Variants in MAGI2 observed in about 807,000 individuals in gnomAD.
MAGI2 encodes the protein membrane associated guanylate kinase, WW and PDZ domain containing 2.
A neutral mutation model predicts 133.3 loss-of-function variants in MAGI2; 35 were observed. The ratio of observed to expected loss-of-function variants is 0.26; its 90% confidence interval spans 0.20 to 0.35. The LOEUF is 0.35. Ranked by LOEUF, MAGI2 falls within the 10% of genes least tolerant of loss-of-function variation. The pLI is 1.00. For synonymous variants in MAGI2, 729 were observed against 710.6 expected, an observed-to-expected ratio of 1.03 and a Z score of -0.41; for missense variants, 1,636 against 1,863.4, an observed-to-expected ratio of 0.88 and a Z score of 2.25.
chr7:78,250,470 C>T (rs1301623281), intron 10 of MAGI2, among the ~76,000 whole-genome samples: 1 of 151,934 alleles, frequency 6.6e-6, no homozygotes, highest in Non-Finnish European at 1.5e-5. Context: ...TAAGCTTCCA[C>T]CTCAAGAAGA....
chr7:79,417,993 C>T (rs1846658898), intron 1 of MAGI2, among the ~76,000 whole-genome samples: 1 of 151,982 alleles, frequency 6.6e-6, no homozygotes, highest in East Asian at 1.9e-4. Context: ...ATTTACCTCA[C>T]ATATTTTTTT....
intron 2 of MAGI2, among the ~76,000 whole-genome samples, chr7:78,756,545 G>A (rs925565103): frequency 9.9e-5 from 15 of 152,208 alleles, no homozygotes; most frequent in African/African-American, 3.1e-4. Flanking sequence ...AGCAATACAC[G>A]CATTTGGCAG....
intron 16 of MAGI2, among the ~76,000 whole-genome samples, chr7:78,146,663 T>C (rs1823336810): frequency 6.6e-6 from 1 of 152,204 alleles, no homozygotes; most frequent in South Asian, 2.1e-4. Context: ...TCTGTGTCTC[T>C]TGACTACCTT....
At chr7:79,376,768 T>C (rs73157871) in intron 1 of MAGI2, among the ~76,000 whole-genome samples, 195 of 151,938 alleles carry the variant, frequency 1.3e-3, no homozygotes, top group Non-Finnish European at 2.5e-3. Context: ...TGTAGTTGAC[T>C]GTGGATAACT....
chr7:79,072,999 C>A (rs578028203), intron 1 of MAGI2, among the ~76,000 whole-genome samples: 49 of 152,104 alleles, frequency 3.2e-4, no homozygotes, highest in African/African-American at 1.1e-3. Context: ...ACACAGATTT[C>A]TTTTCTGTAG....
chr7:78,052,109 G>T (rs777773446), intron 21 of MAGI2, among the ~76,000 whole-genome samples: 2 of 152,128 alleles, frequency 1.3e-5, no homozygotes, highest in East Asian at 3.9e-4. Flanking sequence ...GAGCTTCAGC[G>T]ATCCACTCAC....
chr7:78,711,516 GTTC>G (rs1348944877), intron 2 of MAGI2, among the ~76,000 whole-genome samples: 1 of 151,942 alleles, frequency 6.6e-6, no homozygotes, highest in Non-Finnish European at 1.5e-5. Flanking sequence ...TTTCCATTTT[GTTC>G]TTTTTTCCCC....
chr7:78,548,722 A>G (rs1424555595), intron 3 of MAGI2, among the ~76,000 whole-genome samples: 2 of 152,056 alleles, frequency 1.3e-5, no homozygotes, highest in Non-Finnish European at 2.9e-5. Context: ...AAAACAAACA[A>G]AAGATTGCTT....
chr7:78,935,692 T>C (rs569466143), intron 2 of MAGI2, among the ~76,000 whole-genome samples: 14 of 152,188 alleles, frequency 9.2e-5, no homozygotes, highest in Non-Finnish European at 1.8e-4. Context: ...GGGATCGTTA[T>C]CTCTTTCTGC....
chr7:78,863,346 G>C (rs563655973), intron 2 of MAGI2, among the ~76,000 whole-genome samples: 1 of 152,126 alleles, frequency 6.6e-6, no homozygotes, highest in Non-Finnish European at 1.5e-5. Context: ...TGTGCATCTG[G>C]TGAAAGCCTC....
intron 2 of MAGI2, among the ~76,000 whole-genome samples, chr7:78,909,742 C>T (rs1165440932): frequency 6.6e-6 from 1 of 151,972 alleles, no homozygotes; most frequent in Non-Finnish European, 1.5e-5. Context: ...TCTCAAGGAC[C>T]TAGAACCAGA....
chr7:78,558,314 C>T (rs1159041629), intron 3 of MAGI2, among the ~76,000 whole-genome samples: 2 of 152,034 alleles, frequency 1.3e-5, no homozygotes, highest in Non-Finnish European at 2.9e-5. Flanking sequence ...TGTGTGAGAT[C>T]TCAGCTGATT....
chr7:78,475,039 G>C (rs1791602549), intron 6 of MAGI2, among the ~76,000 whole-genome samples: 2 of 151,822 alleles, frequency 1.3e-5, no homozygotes. Flanking sequence ...CTTATCAGGA[G>C]TTCCCTCAGT....
intron 1 of MAGI2, among the ~76,000 whole-genome samples, chr7:79,094,309 AT>A (rs1197742329): frequency 2.6e-5 from 4 of 152,166 alleles, no homozygotes; most frequent in Admixed American, 6.5e-5. Flanking sequence ...AAGTTTTATC[AT>A]GAGATTGCAG....
intron 2 of MAGI2, among the ~76,000 whole-genome samples, chr7:78,820,424 C>T (rs112574268): frequency 1.3e-5 from 2 of 151,556 alleles, no homozygotes; most frequent in Non-Finnish European, 3.0e-5. Context: ...CCTGAAGGAA[C>T]GGAGAGACAT....
chr7:79,084,437 C>T (rs1001118836), intron 1 of MAGI2, among the ~76,000 whole-genome samples: 2 of 151,588 alleles, frequency 1.3e-5, no homozygotes, highest in Admixed American at 6.6e-5. Flanking sequence ...TGTTTAATTG[C>T]CATTGCATAG....
intron 2 of MAGI2, among the ~76,000 whole-genome samples, chr7:78,690,839 C>T (rs1211529923): frequency 6.6e-6 from 1 of 152,142 alleles, no homozygotes; most frequent in Non-Finnish European, 1.5e-5. Flanking sequence ...ATGGAGTACT[C>T]AGCAGATGAG....
At chr7:78,494,679 T>C (rs774166058) in intron 5 of MAGI2, among the ~76,000 whole-genome samples, 24 of 152,224 alleles carry the variant, frequency 1.6e-4, no homozygotes, top group Admixed American at 1.2e-3. Flanking sequence ...AGCAAAATGT[T>C]TTCACTGCTG....
rs1376283829 is a variant in MAGI2 at position 78,459,455 on chromosome 7, C to T, written c.1045+30306G>A. ...TTTAAATTAATTATAAATGCAGAGG[C>T]TGAATATTTAAAACCTCTTAAGAGC... On this transcript the variant is annotated intron_variant, in intron 6 of 21. Transcript: ENST00000354212. Among the ~76,000 whole-genome samples, 3 of 152,102 alleles carry T rather than the reference C, an allele frequency of 2.0e-5. No homozygotes were observed. In the East Asian group the frequency reaches 5.8e-4, roughly 29 times the overall value.
Sources: gnomAD v4.1 joint callset for allele counts (sites outside exome capture counted in the v4.1 genomes callset) on GRCh38, gnomAD v4.1.1 for gene constraint, MANE v1.5 for transcripts, NCBI Gene and HGNC (gene_info 2026-07-23, HGNC 2026-07-21) for gene names.